LRRC69: variants seen among roughly 807,000 people sequenced by gnomAD.
LRRC69 encodes the protein leucine-rich repeat-containing protein 69.
LRRC69 carries 42 observed loss-of-function variants against 37.8 expected under a neutral mutation model. The observed-to-expected ratio is 1.11, with a 90% CI of 0.87 to 1.44. LRRC69 has a LOEUF of 1.44. Ranked by LOEUF, LRRC69 falls within the 40% of genes most tolerant of loss-of-function variation. The probability of loss-of-function intolerance (pLI) is 0.00; values close to 1 mark genes in which losing one functional copy is unlikely to be tolerated. For synonymous variants in LRRC69, 141 were observed against 143.1 expected (o/e 0.99, Z 0.11); for missense variants, 357 against 401.9 (o/e 0.89, Z 0.96).
At chr8:91,123,033 G>T (rs1055317475) in intron 1 of LRRC69, among the ~76,000 whole-genome samples, 21 of 152,164 alleles carry the variant, frequency 1.4e-4, no homozygotes, top group African/African-American at 4.6e-4. Context: ...ATTTGAAAAA[G>T]ACTTAACCAG....
chr8:91,127,601 C>CAAAAAA (rs554876868), intron 3 of LRRC69, among the ~76,000 whole-genome samples: 1 of 66,556 alleles, frequency 1.5e-5, no homozygotes, highest in African/African-American at 5.7e-5. Flanking sequence ...TGTCATTAAC[C>CAAAAAA]AAAAAAAAAA....
At chr8:91,174,863 G>GGCAAATATTTTGTT in intron 5 of LRRC69, among the ~76,000 whole-genome samples, 1 of 147,218 alleles carries the variant, frequency 6.8e-6, no homozygotes, top group African/African-American at 2.5e-5. Flanking sequence ...ATCCAGTGGA[G>GGCAAATATTTTGTT]AGGTGCTAAC....
chr8:91,218,801 C>CT, intron 7 of LRRC69, 89 bp from the exon 8 acceptor site: 1 of 797,378 alleles, frequency 1.3e-6, no homozygotes, highest in East Asian at 2.8e-5. Context: ...AGTCAATGTT[C>CT]TGAAACCTCT....
At chr8:91,111,553 A>G (rs1424724868) in intron 1 of LRRC69, among the ~76,000 whole-genome samples, 1 of 152,018 alleles carries the variant, frequency 6.6e-6, no homozygotes, top group Non-Finnish European at 1.5e-5. Flanking sequence ...AAATAGAAAA[A>G]TAAAAATGAG....
chr8:91,169,360 T>G (rs1383747352), intron 5 of LRRC69, among the ~76,000 whole-genome samples: 2 of 151,844 alleles, frequency 1.3e-5, no homozygotes, highest in Admixed American at 1.3e-4. Context: ...TGAAATACAA[T>G]TTACCTATAT....
chr8:91,154,704 G>A (rs776161525), intron 5 of LRRC69, among the ~76,000 whole-genome samples: 3 of 151,662 alleles, frequency 2.0e-5, no homozygotes, highest in Non-Finnish European at 4.4e-5. Context: ...CAATAAACTA[G>A]GTATTAATGG....
At chr8:91,207,481 G>C (rs1348788206) in intron 7 of LRRC69, among the ~76,000 whole-genome samples, 1 of 152,232 alleles carries the variant, frequency 6.6e-6, no homozygotes, top group African/African-American at 2.4e-5. Flanking sequence ...ACAGGATGCT[G>C]TGAGAAGAAG....
At chr8:91,102,689 T>C (rs1432577567) in exon 1 of LRRC69, 14 of 1,551,216 alleles carry the variant, frequency 9.0e-6, no homozygotes, top group Non-Finnish European at 1.1e-5. Context: ...AATAAAAGCA[T>C]TGAGTGGTGG....
At chr8:91,178,783 A>G (rs4419778) in intron 5 of LRRC69, among the ~76,000 whole-genome samples, 102,890 of 152,068 alleles carry the variant, frequency 0.68, 35,275 homozygotes, top group African/African-American at 0.74. Context: ...TCTAGCAACA[A>G]ATCTTTCCTT....
At position 91,207,086 on chromosome 8, in the gene LRRC69, G is replaced by A. The variant is rs1008430511; in HGVS notation, c.933+6294G>A. On this transcript the variant is annotated intron_variant, in intron 7 of 7. Transcript: ENST00000448384. ...TTTCTAACTGTGTGTCAGATTATTT[G>A]CCAGGGCTGGGAATACAGAACCCTG... 4.5e-4 allele frequency among the ~76,000 whole-genome samples: 68 copies of A among 152,194 alleles called. 1 individual carries two copies. The highest frequency in any genetic ancestry group is 1.6e-3 in the African/African-American group (66 of 41,526).
At chr8:91,121,810 G>C (rs773462794) in intron 1 of LRRC69, among the ~76,000 whole-genome samples, 4 of 152,018 alleles carry the variant, frequency 2.6e-5, no homozygotes, top group Non-Finnish European at 5.9e-5. Flanking sequence ...CCTGCTTTAA[G>C]AGATATGTAT....
intron 7 of LRRC69, chr8:91,209,437 C>CAATAAATA (rs150183776): frequency 1.1e-4 from 17 of 149,070 alleles, no homozygotes; most frequent in Non-Finnish European, 2.1e-4. Flanking sequence ...AACTATGTCT[C>CAATAAATA]AATAAATAAA....
chr8:91,104,478 T>C (rs1172602370), intron 1 of LRRC69, among the ~76,000 whole-genome samples: 1 of 152,016 alleles, frequency 6.6e-6, no homozygotes, highest in African/African-American at 2.4e-5. Context: ...TTATATGCCA[T>C]TTTTGTTCCC....
At chr8:91,200,925 A>G in intron 7 of LRRC69, 133 bp downstream of exon 7, 1 of 789,454 alleles carries the variant, frequency 1.3e-6, no homozygotes, top group Non-Finnish European at 1.8e-6. Context: ...AATTTTGGAT[A>G]GACAAATTTG....
At chr8:91,205,284 G>A (rs1461040667) in intron 7 of LRRC69, among the ~76,000 whole-genome samples, 1 of 152,024 alleles carries the variant, frequency 6.6e-6, no homozygotes, top group Non-Finnish European at 1.5e-5. Context: ...ACTAACCCAC[G>A]CTTAGGACAT....
At chr8:91,178,729 G>A (rs2130595178) in intron 5 of LRRC69, among the ~76,000 whole-genome samples, 1 of 152,318 alleles carries the variant, frequency 6.6e-6, no homozygotes, top group South Asian at 2.1e-4. Context: ...AGGTTTGGCA[G>A]CTCAGTCCTT....
At chr8:91,199,656 A>G (rs575259098) in intron 6 of LRRC69, among the ~76,000 whole-genome samples, 37 of 152,032 alleles carry the variant, frequency 2.4e-4, no homozygotes, top group African/African-American at 8.7e-4. Flanking sequence ...TTTTGTTGGG[A>G]AAAAAAAGTA....
chr8:91,133,388 T>C, intron 4 of LRRC69, 83 bp downstream of exon 4: 1 of 1,028,756 alleles, frequency 9.7e-7, no homozygotes, highest in Non-Finnish European at 1.3e-6. Context: ...TAGATTTGGG[T>C]ATCTGAGTAT....
At chr8:91,163,829 A>G (rs1336818337) in intron 5 of LRRC69, among the ~76,000 whole-genome samples, 4 of 151,440 alleles carry the variant, frequency 2.6e-5, no homozygotes, top group African/African-American at 7.2e-5. Flanking sequence ...ATTTTTTTCT[A>G]TATTTTGAGC....
Sources: allele counts gnomAD v4.1 joint callset (sites outside exome capture counted in the v4.1 genomes callset), GRCh38; gene constraint gnomAD v4.1.1; transcripts MANE v1.5; gene names NCBI Gene and HGNC (gene_info 2026-07-23, HGNC 2026-07-21).